NAV2: variants seen among roughly 807,000 people sequenced by gnomAD.
The protein encoded by NAV2 is neuron navigator 2.
NAV2 carries 54 observed loss-of-function variants against 223.2 expected under a neutral mutation model. The ratio of observed to expected loss-of-function variants is 0.24; its 90% CI spans 0.19 to 0.30. The LOEUF is 0.30. NAV2 is among the 10% of genes least tolerant of loss of function. The pLI is 1.00. For synonymous variants in NAV2, 1,279 were observed against 1,239.3 expected, an observed-to-expected ratio of 1.03 and a Z score of -0.67; for missense variants, 2,806 against 3,147.5, an observed-to-expected ratio of 0.89 and a Z score of 2.60.
At chr11:19,513,115 C>T (rs1358460853) in intron 1 of NAV2, among the ~76,000 whole-genome samples, 2 of 152,054 alleles carry the variant, frequency 1.3e-5, no homozygotes, top group Non-Finnish European at 2.9e-5. Context: ...GTGTGATGAC[C>T]GGGCATTTTT....
At chr11:19,366,768 T>C (rs1443064573) in intron 1 of NAV2, among the ~76,000 whole-genome samples, 1 of 152,148 alleles carries the variant, frequency 6.6e-6, no homozygotes, top group Middle Eastern at 3.2e-3. Context: ...CAAGGCTGTC[T>C]GAGAGACCCT....
At chr11:19,802,553 G>C (rs936512517) in intron 1 of NAV2, among the ~76,000 whole-genome samples, 36 of 151,986 alleles carry the variant, frequency 2.4e-4, no homozygotes, top group African/African-American at 8.5e-4. Flanking sequence ...ATTATTTCTA[G>C]ATACTTAAAG....
At chr11:20,014,913 AATAAATATAAATATAAAT>A (rs66979030) in intron 11 of NAV2, among the ~76,000 whole-genome samples, 28 of 149,142 alleles carry the variant, frequency 1.9e-4, no homozygotes, top group African/African-American at 6.2e-4. Context: ...AAAATAAATA[AATAAATATAAATATAAAT>A]ATAAATATAA....
rs562617157 is a variant in NAV2 at position 20,047,065 on chromosome 11, C to A, written c.3902+1395C>A. Among the ~76,000 whole-genome samples the A allele has an allele frequency of 5.9e-5, 9 of 152,250 alleles. 2 individuals carry two copies. The South Asian group carries it at 1.9e-3, about 32-fold the overall frequency. ...GACTTGATTATTAGAATTTCAGTAA[C>A]GATTTTTTTTTCCAGGGGTAAGTCT... is the stretch of plus-strand genomic sequence containing the variant. On this transcript the variant is annotated intron_variant, in intron 14 of 37. Coordinates refer to ENST00000349880, the MANE Select transcript of NAV2 (RefSeq NM_145117.5).
intron 1 of NAV2, among the ~76,000 whole-genome samples, chr11:19,362,748 C>T (rs542987084): frequency 5.3e-4 from 81 of 152,252 alleles, no homozygotes; most frequent in African/African-American, 1.9e-3. Context: ...TCAGTTTCTT[C>T]ATCTATAACA....
intron 1 of NAV2, among the ~76,000 whole-genome samples, chr11:19,640,409 T>C (rs577175332): frequency 1.3e-5 from 2 of 151,346 alleles, no homozygotes; most frequent in Admixed American, 1.3e-4. Context: ...ATATAATATA[T>C]AAAAATACAT....
At chr11:19,390,302 C>G (rs1849198100) in intron 1 of NAV2, among the ~76,000 whole-genome samples, 1 of 152,104 alleles carries the variant, frequency 6.6e-6, no homozygotes, top group Admixed American at 6.5e-5. Flanking sequence ...TTCTGTTTCT[C>G]AAGTCTTTTC....
At chr11:19,987,478 T>C (rs1455680895) in intron 11 of NAV2, among the ~76,000 whole-genome samples, 1 of 152,320 alleles carries the variant, frequency 6.6e-6, no homozygotes, top group East Asian at 1.9e-4. Context: ...GGCAGATCAC[T>C]GTGTGAATAA....
At chr11:19,525,290 T>G (rs1189052146) in intron 1 of NAV2, among the ~76,000 whole-genome samples, 1 of 152,154 alleles carries the variant, frequency 6.6e-6, no homozygotes, top group African/African-American at 2.4e-5. Flanking sequence ...TGGTCTCCAG[T>G]GGCCCCTTTC....
intron 1 of NAV2, among the ~76,000 whole-genome samples, chr11:19,576,228 C>A (rs2045566937): frequency 6.6e-6 from 1 of 152,196 alleles, no homozygotes; most frequent in South Asian, 2.1e-4. Flanking sequence ...ACCCACTTGG[C>A]CAGAGACTGG....
At chr11:19,969,362 G>T (rs1202713656) in intron 10 of NAV2, among the ~76,000 whole-genome samples, 1 of 152,168 alleles carries the variant, frequency 6.6e-6, no homozygotes, top group East Asian at 1.9e-4. Context: ...CTTCCTGGAA[G>T]TCCTTTTTGG....
intron 26 of NAV2, among the ~76,000 whole-genome samples, chr11:20,088,866 T>C (rs923483681): frequency 3.9e-5 from 6 of 152,264 alleles, no homozygotes; most frequent in Middle Eastern, 3.4e-3. Flanking sequence ...TCAAGATTCA[T>C]GTAGGACATG....
intron 1 of NAV2, among the ~76,000 whole-genome samples, chr11:19,415,663 A>T (rs1469077309): frequency 6.6e-6 from 1 of 152,224 alleles, no homozygotes; most frequent in Non-Finnish European, 1.5e-5. Context: ...TCAGGCCAAT[A>T]TCCCTGATGA....
At chr11:19,575,464 C>T (rs1688814617) in intron 1 of NAV2, 1 of 153,986 alleles carries the variant, frequency 6.5e-6, no homozygotes, top group African/African-American at 2.4e-5. Flanking sequence ...ACGCCTGGCC[C>T]TAGCCTTGCT....
intron 6 of NAV2, among the ~76,000 whole-genome samples, chr11:19,923,607 C>T (rs145170642): frequency 1.5e-3 from 232 of 152,312 alleles, no homozygotes; most frequent in African/African-American, 5.1e-3. Flanking sequence ...CTACAGAATT[C>T]CTTAACTAAC....
At chr11:20,051,726 G>C (rs2058022760) in intron 17 of NAV2, among the ~76,000 whole-genome samples, 1 of 152,264 alleles carries the variant, frequency 6.6e-6, no homozygotes, top group South Asian at 2.1e-4. Flanking sequence ...TTGTAAGCTA[G>C]GACAAGAGCA....
chr11:19,971,541 TC>T (rs1042700026), intron 10 of NAV2, among the ~76,000 whole-genome samples: 1 of 152,020 alleles, frequency 6.6e-6, no homozygotes, highest in East Asian at 1.9e-4. Context: ...CAGCCTTGTT[TC>T]CCCCCATGTG....
intron 6 of NAV2, among the ~76,000 whole-genome samples, chr11:19,918,394 G>A (rs2043985655): frequency 6.6e-6 from 1 of 152,172 alleles, no homozygotes; most frequent in East Asian, 1.9e-4. Flanking sequence ...CCAAATTTGG[G>A]GAAAAAATGA....
At chr11:19,831,242 A>T (rs61879372) in intron 1 of NAV2, among the ~76,000 whole-genome samples, 2 of 11,084 alleles carry the variant, frequency 1.8e-4, no homozygotes, top group African/African-American at 3.8e-4. Context: ...GGGGGGCGCG[A>T]TGGGGAGTGG....
Sources: allele counts gnomAD v4.1 joint callset (sites outside exome capture counted in the v4.1 genomes callset), GRCh38; gene constraint gnomAD v4.1.1; transcripts MANE v1.5; gene names NCBI Gene and HGNC (gene_info 2026-07-23, HGNC 2026-07-21).